The following ATP8A2 variants were observed in gnomAD, a reference collection of about 807,000 sequenced individuals.
ATP8A2 encodes phospholipid-transporting ATPase IB.
A neutral mutation model predicts 165.6 loss-of-function variants in ATP8A2; 100 were observed. That is an observed-to-expected ratio of 0.60 (90% CI 0.51 to 0.71). The LOEUF (loss-of-function observed/expected upper bound fraction) is 0.71. Ranked by LOEUF, ATP8A2 falls within the 30% of genes least tolerant of loss-of-function variation. The probability of loss-of-function intolerance (pLI) is 0.00; values close to 1 mark genes in which losing one functional copy is unlikely to be tolerated. For synonymous variants in ATP8A2, 543 were observed against 548.8 expected (o/e 0.99, Z 0.15); for missense variants, 1,227 against 1,479.5 (o/e 0.83, Z 2.80).
At chr13:25,782,125 G>A (rs2044895509) in intron 27 of ATP8A2, among the ~76,000 whole-genome samples, 1 of 152,208 alleles carries the variant, frequency 6.6e-6, no homozygotes, top group African/African-American at 2.4e-5. Flanking sequence ...TCAAAACAAT[G>A]TGTTTCATTT....
At chr13:25,654,021 C>T (rs1263461386) in intron 24 of ATP8A2, among the ~76,000 whole-genome samples, 1 of 152,126 alleles carries the variant, frequency 6.6e-6, no homozygotes, top group African/African-American at 2.4e-5. Context: ...ATTTGCTTTC[C>T]TCCCTGTACA....
chr13:25,767,215 A>G (rs2044510288), intron 25 of ATP8A2, among the ~76,000 whole-genome samples: 2 of 152,326 alleles, frequency 1.3e-5, no homozygotes, highest in Middle Eastern at 3.4e-3. Context: ...TGCACAAACT[A>G]GGCGGGAATA....
In ATP8A2 at chr13:25,612,868, C is replaced by G. The variant is rs555376617; in HGVS notation, c.2211+23169C>G. Among the ~76,000 whole-genome samples, 202 of 152,160 alleles carry G rather than the reference C, an allele frequency of 1.3e-3. 1 individual carries two copies. The highest frequency in any genetic ancestry group is 4.7e-3 in the African/African-American group (195 of 41,516). On this transcript the variant is annotated intron_variant, in intron 24 of 36. Coordinates refer to ENST00000381655, the MANE Select transcript of ATP8A2 (RefSeq NM_016529.6). ...TTGTGATATTTTCCTGTTGGACAAT[C>G]CCTTTTATCATTATATAATGTTCCT...
At chr13:25,871,766 T>A (rs1952684798) in intron 33 of ATP8A2, among the ~76,000 whole-genome samples, 1 of 152,134 alleles carries the variant, frequency 6.6e-6, no homozygotes, top group Non-Finnish European at 1.5e-5. Context: ...CCAGCTGTCA[T>A]AAGTGTTGGC....
At chr13:25,928,790 A>G (rs1180347628) in intron 33 of ATP8A2, among the ~76,000 whole-genome samples, 1 of 151,914 alleles carries the variant, frequency 6.6e-6, no homozygotes, top group African/African-American at 2.4e-5. Flanking sequence ...CATAAATGGC[A>G]GTGAAAGTTC....
chr13:25,511,116 A>G (rs983639540), intron 2 of ATP8A2, among the ~76,000 whole-genome samples: 2 of 152,202 alleles, frequency 1.3e-5, no homozygotes, highest in Non-Finnish European at 2.9e-5. Flanking sequence ...GAACTCTCTT[A>G]TAGATGCAGA....
intron 2 of ATP8A2, among the ~76,000 whole-genome samples, chr13:25,504,656 C>T (rs961952673): frequency 3.5e-5 from 5 of 143,712 alleles, no homozygotes; most frequent in Non-Finnish European, 7.5e-5. Context: ...AGGAGAATGG[C>T]GTGAACCCGG....
intron 33 of ATP8A2, among the ~76,000 whole-genome samples, chr13:25,894,701 T>G (rs1312001909): frequency 1.3e-5 from 2 of 152,218 alleles, no homozygotes; most frequent in Non-Finnish European, 2.9e-5. Flanking sequence ...GTATCCTCTT[T>G]TATTTCCTTG....
At chr13:25,588,703 A>AT (rs1223955294) in intron 23 of ATP8A2, among the ~76,000 whole-genome samples, 2 of 152,148 alleles carry the variant, frequency 1.3e-5, no homozygotes, top group African/African-American at 2.4e-5. Flanking sequence ...GTGGAGAAGG[A>AT]TTTTTTTCTT....
chr13:25,802,748 C>T (rs1016351945), intron 27 of ATP8A2, among the ~76,000 whole-genome samples: 1 of 152,152 alleles, frequency 6.6e-6, no homozygotes, highest in African/African-American at 2.4e-5. Context: ...CACGTTGAAA[C>T]TCCTGTGGTT....
chr13:25,738,289 GTC>G (rs2043824020), intron 25 of ATP8A2, among the ~76,000 whole-genome samples: 2 of 151,268 alleles, frequency 1.3e-5, no homozygotes, highest in Admixed American at 1.3e-4. Context: ...ACTCCCTCTT[GTC>G]TCTTGTTTTG....
chr13:25,506,253 C>T (rs970354995), intron 2 of ATP8A2, among the ~76,000 whole-genome samples: 2 of 152,176 alleles, frequency 1.3e-5, no homozygotes, highest in African/African-American at 2.4e-5. Context: ...ATTTTTAGCT[C>T]CTGATTCTAG....
chr13:25,683,841 A>G (rs1160608981), intron 24 of ATP8A2, among the ~76,000 whole-genome samples: 4 of 152,166 alleles, frequency 2.6e-5, no homozygotes, highest in African/African-American at 7.2e-5. Flanking sequence ...AGTTGGCCAC[A>G]GTCCTCACTA....
intron 24 of ATP8A2, among the ~76,000 whole-genome samples, chr13:25,629,929 A>G (rs1243783831): frequency 1.3e-5 from 2 of 152,092 alleles, no homozygotes; most frequent in African/African-American, 2.4e-5. Context: ...CCACAGTTTA[A>G]TTTTATGGCA....
intron 24 of ATP8A2, among the ~76,000 whole-genome samples, chr13:25,657,244 GCTGT>G (rs2041953551): frequency 6.6e-6 from 1 of 152,024 alleles, no homozygotes; most frequent in Non-Finnish European, 1.5e-5. Flanking sequence ...AAGAGGAGGA[GCTGT>G]CTGTATCCTC....
intron 33 of ATP8A2, among the ~76,000 whole-genome samples, chr13:25,957,970 A>C (rs1432049851): frequency 2.0e-5 from 3 of 152,160 alleles, no homozygotes; most frequent in African/African-American, 7.2e-5. Flanking sequence ...TTGCAGGGAC[A>C]TGGTTGAAGC....
chr13:25,513,910 A>C (rs117246113), intron 2 of ATP8A2, among the ~76,000 whole-genome samples: 8,956 of 147,832 alleles, frequency 0.061, 335 homozygotes, highest in South Asian at 0.14. Context: ...GGGAGCAGTA[A>C]AGTCCAGCTT....
intron 33 of ATP8A2, chr13:25,868,200 T>C (rs1952569915): frequency 2.3e-6 from 1 of 442,510 alleles, no homozygotes; most frequent in African/African-American, 2.0e-5. Context: ...TGTTTTATTA[T>C]ACTCAAAGTT....
chr13:25,626,006 C>T (rs2041091146), intron 24 of ATP8A2, among the ~76,000 whole-genome samples: 1 of 152,096 alleles, frequency 6.6e-6, no homozygotes, highest in Non-Finnish European at 1.5e-5. Context: ...AAAGGTTATA[C>T]AGTCAAAATT....
Sources: gnomAD v4.1 joint callset for allele counts (sites outside exome capture counted in the v4.1 genomes callset) on GRCh38, gnomAD v4.1.1 for gene constraint, MANE v1.5 for transcripts, NCBI Gene and HGNC (gene_info 2026-07-23, HGNC 2026-07-21) for gene names.